Variants in CD79B observed in about 807,000 individuals in gnomAD.
The protein encoded by CD79B is CD79b molecule, also known as B-cell antigen receptor complex-associated protein beta chain.
CD79B carries 7 observed loss-of-function variants against 30.0 expected under a neutral mutation model. That is an observed-to-expected ratio of 0.23 (90% CI 0.13 to 0.44). The LOEUF is 0.44. Ranked by LOEUF, CD79B falls within the 20% of genes least tolerant of loss-of-function variation. The probability of loss-of-function intolerance (pLI) is 1.00; values close to 1 mark genes in which losing one functional copy is unlikely to be tolerated. For missense variants in CD79B, 218 were observed against 299.1 expected (o/e 0.73, Z 2.00); for synonymous variants, 118 against 119.2 (o/e 0.99, Z 0.07).
rs945572590 is a variant in CD79B at position 63,930,321 on chromosome 17, C to T, written c.183G>A (p.Val61=). 1 of 1,614,186 alleles carries T rather than the reference C, an allele frequency of 6.2e-7. No individual in the cohort carries two copies. Among genetic ancestry groups the T allele is most frequent in the Admixed American group, 1.7e-5 (1 of 60,026 alleles). The change falls in exon 3 of 6, where the codon GTG becomes GTA. Residue 61 remains valine (V), a synonymous_variant. Transcript: ENST00000006750. ...CGCTGTTCATGTAGCAGTGCATTTT[C>T]ACCGTGAAGCCCCGTTTCCTGGCTA... ...RFIARKRGFT[V]KMHCYMNSAS...
At chr17:63,932,023 C>A (rs1908162132) in intron 1 of CD79B, 172 bp downstream of exon 1, 3 of 706,386 alleles carry the variant, frequency 4.2e-6, no homozygotes, top group Non-Finnish European at 7.6e-6. Flanking sequence ...CTGAGCCCAT[C>A]ACCACGTGCA....
At position 63,932,324 on chromosome 17, in the gene CD79B, G is replaced by A. The variant is rs889335024; in HGVS notation, c.-63C>T. The A allele has an allele frequency of 9.6e-6, 14 of 1,455,920 alleles. No individual in the cohort carries two copies. The highest frequency in any genetic ancestry group is 2.3e-5 in the East Asian group (1 of 43,960). 90.2% of individuals were successfully genotyped at this position (1,455,920 alleles called of 1,614,324 possible). On this transcript the variant is annotated 5_prime_UTR_variant, in exon 1 of 6. The change creates a new upstream start codon in the 5' untranslated region. Transcript: ENST00000006750. ...CGTCCGAGGCTCCTTGGAGGAAAAC[G>A]TGTAACTGCACCGGCTGCAGCCTGT...
chr17:63,931,236 G>T (rs1908102471), intron 2 of CD79B, 99 bp downstream of exon 2: 3 of 1,188,376 alleles, frequency 2.5e-6, no homozygotes, highest in Non-Finnish European at 3.8e-6. Flanking sequence ...ATCAGGCAAG[G>T]GTGGGAAGGC....
chr17:63,931,544 A>T (rs748401242), intron 1 of CD79B, among the ~76,000 whole-genome samples, 159 bp from the exon 2 acceptor site: 1 of 152,184 alleles, frequency 6.6e-6, no homozygotes, highest in African/African-American at 2.4e-5. Context: ...CTTGGGAGAC[A>T]GATATGGGGT....
Position 63,929,372 on chromosome 17 carries a change from C to G in CD79B, c.592-48G>C, listed in dbSNP as rs369922337. 6.8e-6 allele frequency: 11 copies of G among 1,610,180 alleles called. No homozygotes were observed. The African/African-American group carries it at 1.1e-4, about 16-fold the overall frequency. ...AGGCCGGGACCACACCCCAACCACA[C>G]CAGCAGATAGTGGCCACTGACCCCG... is the stretch of plus-strand genomic sequence containing the variant. On this transcript the variant is annotated intron_variant, in intron 5 of 5. Coordinates refer to ENST00000006750, the MANE Select transcript of CD79B (RefSeq NM_000626.4).
intron 1 of CD79B, among the ~76,000 whole-genome samples, 191 bp from the exon 2 acceptor site, chr17:63,931,576 C>T (rs1908130766): frequency 6.6e-6 from 1 of 152,224 alleles, no homozygotes; most frequent in Non-Finnish European, 1.5e-5. Flanking sequence ...AAGCCCTGCC[C>T]CCAGCCCCCT....
In CD79B at chr17:63,931,382, T is replaced by G; in HGVS notation, c.71A>C (p.Glu24Ala). The change falls in exon 2 of 6, where the codon GAG (glutamate) becomes GCG (alanine). Residue 24 changes from glutamate (E) to alanine (A), a missense_variant. Coordinates refer to ENST00000006750, the MANE Select transcript of CD79B (RefSeq NM_000626.4). The stretch of plus-strand genomic sequence containing the variant: ...CTCCGATCTGGCTGCTGGTACTGGC[T>G]CAGCTGCTGGGTGGGAGGAAGTGGG... ...MVALLLLLSAEPVPAARSEDR... is the reference protein window; with the variant it reads ...MVALLLLLSAAPVPAARSEDR... 1 of 1,614,012 alleles carries G rather than the reference T, an allele frequency of 6.2e-7. No individual in the cohort carries two copies. The highest frequency in any genetic ancestry group is 8.5e-7 in the Non-Finnish European group (1 of 1,179,972).
chr17:63,931,848 C>T (rs1053418953), intron 1 of CD79B: 11 of 443,938 alleles, frequency 2.5e-5, no homozygotes, highest in Middle Eastern at 6.5e-4. Context: ...TTCCAGGGTC[C>T]GGTTGGGACA....
intron 3 of CD79B, 45 bp from the exon 4 acceptor site, chr17:63,929,933 C>T (rs200631986): frequency 6.4e-7 from 1 of 1,556,488 alleles, no homozygotes; most frequent in Non-Finnish European, 8.9e-7. Context: ...CACAGTCCAC[C>T]TTTTAGGCCT....
rs971479725 is a variant in CD79B at position 63,930,586 on chromosome 17, A to G, written c.119-201T>C. On this transcript the variant is annotated intron_variant, in intron 2 of 5. Transcript: ENST00000006750. ...CTGAGCCACATGAGAAGCCACGGCC[A>G]AGCTCTCAGACTCCACCTCTTCCCG... 6.5e-6 allele frequency: 4 copies of G among 615,040 alleles called. No individual in the cohort carries two copies. In the African/African-American group the frequency reaches 7.4e-5, roughly 11 times the overall value. 38.1% of individuals were successfully genotyped at this position (615,040 alleles called of 1,614,324 possible).
chr17:63,931,438 G>T (rs1908122354), intron 1 of CD79B, 53 bp from the exon 2 acceptor site: 2 of 1,565,530 alleles, frequency 1.3e-6, no homozygotes, highest in Non-Finnish European at 1.8e-6. Flanking sequence ...TCTGGCCTGG[G>T]CTGCCCCACC....
Position 63,928,959 on chromosome 17 carries a change from G to A in CD79B, c.*267C>T. ...CTGCCTCCCCCATCCCATGTGTGGG[G>A]ACGGATCACCTCATAGCACCCCCAG... On this transcript the variant is annotated 3_prime_UTR_variant, in exon 6 of 6. Coordinates refer to ENST00000006750, the MANE Select transcript of CD79B (RefSeq NM_000626.4). 1 of 542,718 alleles carries A rather than the reference G, an allele frequency of 1.8e-6. No homozygotes were observed. Among genetic ancestry groups the A allele is most frequent in the Non-Finnish European group, 3.3e-6 (1 of 298,640 alleles). 33.6% of individuals were successfully genotyped at this position (542,718 alleles called of 1,614,324 possible). A position where few individuals can be genotyped will look rare whatever the true frequency, so the allele number is the denominator to read the frequency against.
chr17:63,931,538 G>T (rs990650300), intron 1 of CD79B, 153 bp from the exon 2 acceptor site: 6 of 698,480 alleles, frequency 8.6e-6, no homozygotes, highest in Non-Finnish European at 1.5e-5. Flanking sequence ...CCAGTACTTG[G>T]GAGACAGATA....
chr17:63,931,286 C>T, intron 2 of CD79B, 49 bp downstream of exon 2: 1 of 1,585,876 alleles, frequency 6.3e-7, no homozygotes. Context: ...GGACACAGGA[C>T]ATAGTCGCAC....
Position 63,930,168 on chromosome 17 carries a change from G to T in CD79B, c.336C>A (p.Ile112=). 3 of 1,614,196 alleles carry T rather than the reference G, an allele frequency of 1.9e-6. No individual in the cohort carries two copies. Among genetic ancestry groups the T allele is most frequent in the Non-Finnish European group, 2.5e-6 (3 of 1,180,006 alleles). ...AGTAGATGCCATTGTCCTCAAACCG[G>T]ATGCCTTGGATGGTGAGGGTGGCGA... ...ESLATLTIQG[I]RFEDNGIYFC... is the part of the protein sequence containing the mutation. The change falls in exon 3 of 6, where the codon ATC becomes ATA. Residue 112 remains isoleucine (I), a synonymous_variant. Transcript: ENST00000006750.
In CD79B at chr17:63,930,101, C is replaced by T; in HGVS notation, c.403G>A (p.Gly135Ser). Residue 135 changes from glycine (G) to serine (S), a missense_variant, in exon 3 of 6, where the codon GGC becomes AGC. Transcript: ENST00000006750. The stretch of plus-strand genomic sequence containing the variant: ...ATGACTCGCAGCTCTGTGCCGCAGC[C>T]CTGGTAGACCTCCGAGGTGTTGTTG... ...KCNNTSEVYQ[G>S]CGTELRVMGF... 1 of 1,614,086 alleles carries T rather than the reference C, an allele frequency of 6.2e-7. No homozygotes were observed. Among genetic ancestry groups the T allele is most frequent in the Admixed American group, 1.7e-5 (1 of 60,016 alleles).
At chr17:63,930,893 T>C (rs1482986945) in intron 2 of CD79B, 1 of 307,308 alleles carries the variant, frequency 3.3e-6, no homozygotes, top group Non-Finnish European at 6.3e-6. Context: ...TCTTCCCTCC[T>C]GCAGGGACTG....
At chr17:63,930,508 T>A in intron 2 of CD79B, 123 bp from the exon 3 acceptor site, 1 of 901,192 alleles carries the variant, frequency 1.1e-6, no homozygotes, top group Non-Finnish European at 1.8e-6. Context: ...TCTCAGGGTG[T>A]GGGACAGGCA....
chr17:63,932,116 C>T, intron 1 of CD79B, 79 bp downstream of exon 1: 1 of 1,256,956 alleles, frequency 8.0e-7, no homozygotes, highest in East Asian at 2.3e-5. Context: ...GAGGGTGGAG[C>T]AAGCAGGAGG....
Sources: allele counts gnomAD v4.1 joint callset (sites outside exome capture counted in the v4.1 genomes callset), GRCh38; gene constraint gnomAD v4.1.1; transcripts MANE v1.5; gene names NCBI Gene and HGNC (gene_info 2026-07-23, HGNC 2026-07-21).